Variants in ZNF682 observed in about 807,000 individuals in gnomAD.
ZNF682 encodes the protein zinc finger protein 682.
A neutral mutation model predicts 36.5 loss-of-function variants in ZNF682; 29 were observed. The ratio of observed to expected loss-of-function variants is 0.80; its 90% CI spans 0.59 to 1.08. ZNF682 has a LOEUF of 1.08. Among genes scored for constraint, ZNF682 ranks in the 50% least tolerant of loss-of-function variants. The pLI is 0.00. For synonymous variants in ZNF682, 180 were observed against 197.0 expected, an observed-to-expected ratio of 0.91 and a Z score of 0.72; for missense variants, 561 against 579.7, an observed-to-expected ratio of 0.97 and a Z score of 0.33.
chr19:20,037,597 G>C (rs201671265), intron 1 of ZNF682, among the ~76,000 whole-genome samples: 4,547 of 152,064 alleles, frequency 0.03, 220 homozygotes, highest in East Asian at 0.19. Flanking sequence ...ACATTTTCCC[G>C]CCCCATCCTG....
intron 1 of ZNF682, among the ~76,000 whole-genome samples, chr19:20,030,545 C>G (rs376491220): frequency 6.6e-6 from 1 of 152,138 alleles, no homozygotes; most frequent in Non-Finnish European, 1.5e-5. Context: ...GCATTGCAAC[C>G]TGGGCAACAG....
At chr19:20,015,758 A>G in intron 3 of ZNF682, 1 of 397,816 alleles carries the variant, frequency 2.5e-6, no homozygotes, top group Admixed American at 4.4e-5. Context: ...ATAATTTTTA[A>G]GAAATAAGCA....
chr19:20,001,574 A>C (rs375228676), downstream of ZNF682, among the ~76,000 whole-genome samples: 2 of 152,298 alleles, frequency 1.3e-5, no homozygotes, highest in South Asian at 4.1e-4. Context: ...GTGTGTGTGT[A>C]CTAATAGGCT....
rs567669869 is a variant in ZNF682 at position 20,030,395 on chromosome 19, T to C, written c.4-6019A>G. On this transcript the variant is annotated intron_variant, in intron 1 of 3. Transcript: ENST00000397165. ...GACCAGCCTGGCCAATATGGTGAAA[T>C]CCCATATCTACTAAAAACACAGAAA... 9.2e-5 allele frequency among the ~76,000 whole-genome samples: 14 copies of C among 151,850 alleles called. No individual in the cohort carries two copies. The East Asian group carries it at 2.7e-3, about 29-fold the overall frequency.
At chr19:20,028,400 T>C (rs1226525820) in intron 1 of ZNF682, among the ~76,000 whole-genome samples, 1 of 152,086 alleles carries the variant, frequency 6.6e-6, no homozygotes, top group Non-Finnish European at 1.5e-5. Flanking sequence ...TTAGTAGAGA[T>C]GGCCTTTCAC....
intron 3 of ZNF682, among the ~76,000 whole-genome samples, chr19:20,018,085 T>TC: frequency 1.2e-5 from 1 of 84,080 alleles, no homozygotes; most frequent in Non-Finnish European, 2.3e-5. Context: ...ATTCTTTTTT[T>TC]TTTTTTTTTT....
intron 3 of ZNF682, among the ~76,000 whole-genome samples, chr19:20,019,131 G>T (rs988156663): frequency 6.6e-6 from 1 of 152,076 alleles, no homozygotes; most frequent in African/African-American, 2.4e-5. Flanking sequence ...TAGCCTATAA[G>T]CATTTGAAAG....
chr19:20,032,800 T>A lies in ZNF682; in HGVS notation c.3+6543A>T, dbSNP rs182653732. On this transcript the variant is annotated intron_variant, in intron 1 of 3. Transcript: ENST00000397165. Reference sequence around the variant, plus strand: ...ATAATTAGTCCTCAAGAAGACCACGTGACAGCACTCACTTGTCGTAGATAG... The same window carrying A: ...ATAATTAGTCCTCAAGAAGACCACGAGACAGCACTCACTTGTCGTAGATAG... Among the ~76,000 whole-genome samples the A allele has an allele frequency of 3.3e-5, 5 of 152,338 alleles. 1 individual carries two copies. The highest frequency in any genetic ancestry group is 3.3e-4 in the Admixed American group (5 of 15,302).
chr19:20,000,807 C>G (rs2088163061), downstream of ZNF682, among the ~76,000 whole-genome samples: 1 of 152,158 alleles, frequency 6.6e-6, no homozygotes. Context: ...AGCTTGGCTG[C>G]TGGGCACTGT....
downstream of ZNF682, among the ~76,000 whole-genome samples, chr19:20,002,551 G>A (rs777051901): frequency 3.3e-5 from 5 of 152,174 alleles, no homozygotes; most frequent in Non-Finnish European, 7.3e-5. Context: ...GAAGAAAGCA[G>A]ATAATCACAG....
chr19:20,005,448 A>C lies in ZNF682; in HGVS notation c.*557T>G, dbSNP rs17767135. ...GTAGGGTTTCTTTCCAATGTAAATTATCTAAAATGGAATAAAATTTGAGCA... is the reference window on the plus strand; with the variant it reads ...GTAGGGTTTCTTTCCAATGTAAATTCTCTAAAATGGAATAAAATTTGAGCA... On this transcript the variant is annotated 3_prime_UTR_variant, in exon 4 of 4. Transcript: ENST00000397165. The C allele has an allele frequency of 0.078, 11,925 of 152,380 alleles. 705 individuals are homozygous for C. The highest frequency in any genetic ancestry group is 0.2 in the East Asian group (1,036 of 5,192). The allele number at this position is 152,380 out of a possible 1,614,324, so 9.4% of individuals were successfully genotyped here. A position where few individuals can be genotyped will look rare whatever the true frequency, so the allele number is the denominator to read the frequency against.
At chr19:20,017,991 G>A (rs893970122) in intron 3 of ZNF682, among the ~76,000 whole-genome samples, 1 of 144,968 alleles carries the variant, frequency 6.9e-6, no homozygotes, top group Non-Finnish European at 1.5e-5. Context: ...GCACAGCCAC[G>A]TACAAATTCA....
chr19:20,025,827 A>G (rs1405499225), intron 1 of ZNF682, among the ~76,000 whole-genome samples: 2 of 152,210 alleles, frequency 1.3e-5, no homozygotes, highest in African/African-American at 4.8e-5. Context: ...AGCATAAAGA[A>G]ACATCTTTAT....
intron 3 of ZNF682, among the ~76,000 whole-genome samples, chr19:20,019,242 C>T (rs1255373787): frequency 1.3e-5 from 2 of 151,986 alleles, no homozygotes; most frequent in Non-Finnish European, 2.9e-5. Flanking sequence ...GTAACCACCC[C>T]CCCAAAAAAA....
intron 3 of ZNF682, among the ~76,000 whole-genome samples, chr19:20,019,947 C>T (rs781461961): frequency 7.2e-4 from 109 of 151,590 alleles, no homozygotes; most frequent in South Asian, 2.1e-3. Context: ...TATGGTGGCT[C>T]ATGCCCGTAA....
At chr19:20,034,834 T>A (rs923896333) in intron 1 of ZNF682, among the ~76,000 whole-genome samples, 3 of 151,458 alleles carry the variant, frequency 2.0e-5, no homozygotes, top group Admixed American at 2.0e-4. Context: ...CGGTGGCTCA[T>A]GCCTGTAATC....
chr19:20,036,809 AAAAAG>A (rs143127535), intron 1 of ZNF682, among the ~76,000 whole-genome samples: 2,663 of 100,886 alleles, frequency 0.026, 327 homozygotes, highest in African/African-American at 0.1. Context: ...TCTATAAAAA[AAAAAG>A]AAAAAAAAAA....
chr19:20,010,421 A>G (rs2088274419), intron 3 of ZNF682, among the ~76,000 whole-genome samples: 1 of 152,190 alleles, frequency 6.6e-6, no homozygotes. Context: ...GCGCTTTGGG[A>G]GGCTGAGGCA....
chr19:20,035,669 C>A (rs1339250807), intron 1 of ZNF682, among the ~76,000 whole-genome samples: 1 of 152,022 alleles, frequency 6.6e-6, no homozygotes, highest in African/African-American at 2.4e-5. Flanking sequence ...ATATCAAAAT[C>A]ATTATTTTAA....
Sources: allele counts gnomAD v4.1 joint callset (sites outside exome capture counted in the v4.1 genomes callset), GRCh38; gene constraint gnomAD v4.1.1; transcripts MANE v1.5; gene names NCBI Gene and HGNC (gene_info 2026-07-23, HGNC 2026-07-21).